The following VPS11 variants were observed in gnomAD, a reference collection of about 807,000 sequenced individuals.
VPS11 encodes vacuolar protein sorting-associated protein 11 homolog.
Under a neutral mutation model 106.8 loss-of-function variants are expected in VPS11, and 51 were observed. The ratio of observed to expected loss-of-function variants is 0.48; its 90% CI spans 0.38 to 0.60. The LOEUF is 0.60. Among genes scored for constraint, VPS11 ranks in the 20% least tolerant of loss-of-function variants. VPS11 has a pLI of 0.00. For missense variants in VPS11, 950 were observed against 1,190.0 expected (o/e 0.80, Z 2.97); for synonymous variants, 453 against 458.7 (o/e 0.99, Z 0.16).
At chr11:119,070,149 C>T in intron 3 of VPS11, 85 bp from the exon 4 acceptor site, 1 of 1,394,854 alleles carries the variant, frequency 7.2e-7, no homozygotes, top group Middle Eastern at 1.9e-4. Flanking sequence ...CTTGTCACTT[C>T]TGAGTGCCTC....
In VPS11 at chr11:119,073,918, G is replaced by A. The variant is rs782727912; in HGVS notation, c.1205G>A (p.Gly402Asp). 3 of 1,613,474 alleles carry A rather than the reference G, an allele frequency of 1.9e-6. No individual in the cohort carries two copies. The highest frequency in any genetic ancestry group is 1.1e-5 in the South Asian group (1 of 91,046). ...MQYGDHLYSKGNHDGAVQQYI... is the reference protein window; with the variant it reads ...MQYGDHLYSKDNHDGAVQQYI... ...TATGGAGACCATCTCTACAGCAAGG[G>A]CAACCACGATGGGGCTGTCCAGCAA... The change falls in exon 7 of 16, where the codon GGC (glycine) becomes GAC (aspartate). Residue 402 changes from glycine to aspartate, a missense_variant. Physicochemically the swap from Gly to Asp is moderately conservative, Grantham distance 94. Transcript: ENST00000621676.
In VPS11 at chr11:119,081,699, C is replaced by A; in HGVS notation, c.*76C>A. ...CAATGGGACCTGGGCGGGCGTTACA[C>A]AGAAGGCTGGCTGACATGCCCAGGG... On this transcript the variant is annotated 3_prime_UTR_variant, in exon 16 of 16. Coordinates refer to ENST00000621676, the MANE Select transcript of VPS11 (RefSeq NM_021729.6). The A allele has an allele frequency of 6.5e-7, 1 of 1,542,402 alleles. No individual in the cohort carries two copies. The highest frequency in any genetic ancestry group is 8.8e-7 in the Non-Finnish European group (1 of 1,140,146).
intron 8 of VPS11, among the ~76,000 whole-genome samples, 160 bp from the exon 9 acceptor site, chr11:119,077,341 G>A (rs1477235091): frequency 6.6e-6 from 1 of 152,184 alleles, no homozygotes; most frequent in South Asian, 2.1e-4. Context: ...AGGGGCAGAG[G>A]AAAACTTTAG....
rs1175724911 is a variant in VPS11 at position 119,081,078 on chromosome 11, T to C, written c.2439-14T>C. On this transcript the variant is annotated splice_polypyrimidine_tract_variant and intron_variant, in intron 14 of 15. Coordinates refer to ENST00000621676, the MANE Select transcript of VPS11 (RefSeq NM_021729.6). ...TCACTTTTGCCACTCACTTCTGGTC[T>C]TTCTTCCCTGTAGTCCTAAGATTTT... 6.2e-7 allele frequency: 1 copy of C among 1,612,052 alleles called. No individual in the cohort carries two copies. Among genetic ancestry groups the C allele is most frequent in the African/African-American group, 1.3e-5 (1 of 75,046 alleles).
chr11:119,067,820 C>T lies in VPS11; in HGVS notation c.-4C>T. The T allele has an allele frequency of 6.5e-7, 1 of 1,539,012 alleles. No individual in the cohort carries two copies. Among genetic ancestry groups the T allele is most frequent in the Admixed American group, 2.0e-5 (1 of 50,770 alleles). The stretch of plus-strand genomic sequence containing the variant: ...GCTCCCGGAGGTGGGAGCCCTGGGC[C>T]AAAATGGCGGCCTACCTGCAGTGGC... On this transcript the variant is annotated 5_prime_UTR_variant, in exon 1 of 16. Coordinates refer to ENST00000621676, the MANE Select transcript of VPS11 (RefSeq NM_021729.6).
rs373781814 is a variant in VPS11 at position 119,077,944 on chromosome 11, C to T, written c.1639C>T (p.Arg547Cys). 53 of 1,613,894 alleles carry T rather than the reference C, an allele frequency of 3.3e-5. No homozygotes were observed. Among genetic ancestry groups the T allele is most frequent in the South Asian group, 1.8e-4 (16 of 91,090 alleles). Reference protein sequence around the residue: ...PFEQAESNMKRYGKILMHHIP... With the variant: ...PFEQAESNMKCYGKILMHHIP... ...TGAGCAGGCAGAGAGCAACATGAAGCGCTACGGCAAGATCCTCATGCACCA... is the reference window on the plus strand; with the variant it reads ...TGAGCAGGCAGAGAGCAACATGAAGTGCTACGGCAAGATCCTCATGCACCA... Residue 547 changes from arginine to cysteine, a missense_variant, in exon 10 of 16, where the codon CGC (arginine) becomes TGC (cysteine). By Grantham distance (180) the Arg-to-Cys change is radical (BLOSUM62 -3). Transcript: ENST00000621676.
chr11:119,076,798 T>C (rs1945636980), intron 7 of VPS11, 99 bp from the exon 8 acceptor site: 1 of 1,389,302 alleles, frequency 7.2e-7, no homozygotes, highest in African/African-American at 1.4e-5. Flanking sequence ...TCCACTGAAA[T>C]AGAATTTGCA....
chr11:119,070,831 C>G (rs1416381052), intron 4 of VPS11: 2 of 152,922 alleles, frequency 1.3e-5, no homozygotes, highest in African/African-American at 4.8e-5. Context: ...GTCTCCAACT[C>G]CTGACCTCAG....
chr11:119,070,272 A>G lies in VPS11; in HGVS notation c.511A>G (p.Ile171Val). The G allele has an allele frequency of 6.2e-7, 1 of 1,612,946 alleles. No homozygotes were observed. The highest frequency in any genetic ancestry group is 1.3e-5 in the African/African-American group (1 of 75,034). ...DGSVTLNKGD[I>V]TRDRHSKTQI... is the part of the protein sequence containing the mutation. ...CAGTGTTACATTGAACAAAGGAGACATCACCCGGGACCGGCATAGCAAGAC... is the reference window on the plus strand; with the variant it reads ...CAGTGTTACATTGAACAAAGGAGACGTCACCCGGGACCGGCATAGCAAGAC... Residue 171 changes from isoleucine to valine, a missense_variant, in exon 4 of 16, where the codon ATC (isoleucine) becomes GTC (valine). Physicochemically the swap from Ile to Val is conservative, Grantham distance 29. Coordinates refer to ENST00000621676, the MANE Select transcript of VPS11 (RefSeq NM_021729.6).
intron 1 of VPS11, chr11:119,068,239 A>C: frequency 2.2e-6 from 1 of 452,678 alleles, no homozygotes; most frequent in Non-Finnish European, 3.8e-6. Flanking sequence ...TAATTTCCTT[A>C]TCTGTAGGAG....
intron 3 of VPS11, 106 bp downstream of exon 3, chr11:119,069,683 C>T: frequency 6.7e-7 from 1 of 1,484,910 alleles, no homozygotes; most frequent in Non-Finnish European, 9.2e-7. Flanking sequence ...TTGTACTGAA[C>T]TGAGGCCTTT....
At position 119,069,256 on chromosome 11, in the gene VPS11, A is replaced by G; in HGVS notation, c.248A>G (p.Tyr83Cys). The change falls in exon 2 of 16, where the codon TAC becomes TGC. Residue 83 changes from tyrosine to cysteine, a missense_variant. Physicochemically the swap from Tyr to Cys is radical, Grantham distance 194. Coordinates refer to ENST00000621676, the MANE Select transcript of VPS11 (RefSeq NM_021729.6). The part of the protein sequence containing the change: ...RSLQLTGFQA[Y>C]KLRVTHLYQL... ...CTACAGCTTACAGGCTTCCAAGCCTACAAACTACGGGTGACACACCTGTAC... is the reference window on the plus strand; with the variant it reads ...CTACAGCTTACAGGCTTCCAAGCCTGCAAACTACGGGTGACACACCTGTAC... 1.2e-6 allele frequency: 2 copies of G among 1,614,002 alleles called. No individual in the cohort carries two copies. Among genetic ancestry groups the G allele is most frequent in the Non-Finnish European group, 8.5e-7 (1 of 1,179,896 alleles).
chr11:119,081,747 A>G lies in VPS11; in HGVS notation c.*124A>G, dbSNP rs1945860863. On this transcript the variant is annotated 3_prime_UTR_variant, in exon 16 of 16. Coordinates refer to ENST00000621676, the MANE Select transcript of VPS11 (RefSeq NM_021729.6). ...GGGCTCCACTCTCATCTAATGTCAC[A>G]GCCCTCAGAACTAAAGCGGACTTTC... 2 of 1,312,762 alleles carry G rather than the reference A, an allele frequency of 1.5e-6. No individual in the cohort carries two copies. Among genetic ancestry groups the G allele is most frequent in the Non-Finnish European group, 2.1e-6 (2 of 972,904 alleles). The allele number at this position is 1,312,762 out of a possible 1,614,324, so 81.3% of individuals were successfully genotyped here.
At chr11:119,077,208 C>T (rs1475423674) in intron 8 of VPS11, 125 bp downstream of exon 8, 1 of 1,226,506 alleles carries the variant, frequency 8.2e-7, no homozygotes, top group African/African-American at 1.5e-5. Flanking sequence ...AGAGGAGTGG[C>T]TGTTCCTGTT....
At chr11:119,076,481 G>A (rs923720699) in intron 7 of VPS11, among the ~76,000 whole-genome samples, 4 of 151,420 alleles carry the variant, frequency 2.6e-5, no homozygotes, top group African/African-American at 9.7e-5. Context: ...GGCTGAGATC[G>A]TGCCACTGCA....
At chr11:119,076,842 A>G in intron 7 of VPS11, 55 bp from the exon 8 acceptor site, 4 of 1,586,268 alleles carry the variant, frequency 2.5e-6, no homozygotes, top group East Asian at 2.3e-5. Flanking sequence ...TCCTGTGTAC[A>G]TGAGCTGGAG....
intron 8 of VPS11, 93 bp from the exon 9 acceptor site, chr11:119,077,408 A>T (rs1050891222): frequency 6.8e-6 from 10 of 1,477,452 alleles, no homozygotes; most frequent in African/African-American, 1.4e-5. Flanking sequence ...ACGTTATGAT[A>T]TCACCTTAGG....
At chr11:119,076,726 T>C in intron 7 of VPS11, 171 bp from the exon 8 acceptor site, 1 of 757,398 alleles carries the variant, frequency 1.3e-6, no homozygotes, top group Non-Finnish European at 2.1e-6. Context: ...GTCCACAGTC[T>C]AGTAGCACCG....
Position 119,073,899 on chromosome 11 carries a change from G to A in VPS11, c.1186G>A (p.Asp396Asn). Residue 396 changes from aspartate (D) to asparagine (N), a missense_variant, in exon 7 of 16, where the codon GAC becomes AAC. Around this residue, in one of 3 missense-constraint regions of VPS11, gnomAD observed 435 missense variants for 630.2 expected, o/e 0.69. Coordinates refer to ENST00000621676, the MANE Select transcript of VPS11 (RefSeq NM_021729.6). ...GLAQIFMQYG[D>N]HLYSKGNHDG... is the part of the protein sequence containing the mutation. ...GGCCCAGATTTTCATGCAGTATGGA[G>A]ACCATCTCTACAGCAAGGGCAACCA... 6.2e-7 allele frequency: 1 copy of A among 1,613,780 alleles called. No individual in the cohort carries two copies. Among genetic ancestry groups the A allele is most frequent in the African/African-American group, 1.3e-5 (1 of 75,036 alleles).
Sources: allele counts gnomAD v4.1 joint callset (sites outside exome capture counted in the v4.1 genomes callset), GRCh38; gene constraint gnomAD v4.1.1; regional missense constraint gnomAD v4.1.1; transcripts MANE v1.5; gene names NCBI Gene and HGNC (gene_info 2026-07-23, HGNC 2026-07-21).